The following CYTH1 variants were observed in gnomAD, a reference collection of about 807,000 sequenced individuals.
CYTH1 encodes the protein cytohesin 1.
A neutral mutation model predicts 61.8 loss-of-function variants in CYTH1; 18 were observed. The ratio of observed to expected loss-of-function variants is 0.29; its 90% CI spans 0.20 to 0.43. The LOEUF (loss-of-function observed/expected upper bound fraction) is 0.43, where lower values mean the gene tolerates loss of function less well. CYTH1 is among the 20% of genes least tolerant of loss of function. The pLI, the probability that CYTH1 is intolerant of heterozygous loss-of-function variation, is 1.00. For missense variants in CYTH1, 336 were observed against 510.5 expected, an observed-to-expected ratio of 0.66 and a Z score of 3.29; for synonymous variants, 174 against 184.3, an observed-to-expected ratio of 0.94 and a Z score of 0.45.
intron 11 of CYTH1, among the ~76,000 whole-genome samples, chr17:78,681,477 C>T (rs987751707): frequency 1.3e-5 from 2 of 152,128 alleles, no homozygotes; most frequent in Admixed American, 6.5e-5. Flanking sequence ...TGACCATTAA[C>T]CACTCACTGC....
At chr17:78,714,669 C>T (rs776574069) in intron 1 of CYTH1, among the ~76,000 whole-genome samples, 1 of 152,140 alleles carries the variant, frequency 6.6e-6, no homozygotes, top group Non-Finnish European at 1.5e-5. Context: ...CTACCCCAAG[C>T]AGGCTCTGGC....
intron 1 of CYTH1, among the ~76,000 whole-genome samples, chr17:78,756,670 A>G (rs1450539048): frequency 1.3e-5 from 2 of 152,220 alleles, no homozygotes; most frequent in Non-Finnish European, 2.9e-5. Flanking sequence ...GAGTGGACTC[A>G]TCTTCAAAAG....
At chr17:78,711,007 A>C (rs2093123342) in intron 1 of CYTH1, among the ~76,000 whole-genome samples, 1 of 152,128 alleles carries the variant, frequency 6.6e-6, no homozygotes, top group Admixed American at 6.5e-5. Flanking sequence ...TCATGCCTGT[A>C]ATCCCAGCAC....
intron 1 of CYTH1, among the ~76,000 whole-genome samples, chr17:78,730,532 G>C (rs1334092125): frequency 1.3e-5 from 2 of 148,864 alleles, no homozygotes; most frequent in African/African-American, 5.0e-5. Flanking sequence ...GCGAGACTCC[G>C]TCTCAAAAAA....
chr17:78,781,588 G>A lies in CYTH1; in HGVS notation c.22+614C>T, dbSNP rs1184423573. Among the ~76,000 whole-genome samples the A allele has an allele frequency of 1.3e-5, 2 of 152,126 alleles. 1 individual carries two copies. The highest frequency in any genetic ancestry group is 4.8e-5 in the African/African-American group (2 of 41,436). On this transcript the variant is annotated intron_variant, in intron 1 of 13. Transcript: ENST00000446868. ...GGCTACCGGGCCCAGACTCCCGCGG[G>A]CAGGGCCGTCCCGGAGCCCGCGCCT...
At position 78,680,592 on chromosome 17, in the gene CYTH1, G is replaced by A. The variant is rs1279998209; in HGVS notation, c.964-248C>T. ...CCCACTTGCAATGTACGTAAAATGC[G>A]GAGAGAACTGCAGGTGACTCACGAC... On this transcript the variant is annotated intron_variant, in intron 12 of 13. Coordinates refer to ENST00000446868, the MANE Select transcript of CYTH1 (RefSeq NM_004762.6). Among the ~76,000 whole-genome samples the A allele has an allele frequency of 2.0e-5, 3 of 152,156 alleles. No homozygotes were observed. In the East Asian group the frequency reaches 5.8e-4, roughly 29 times the overall value.
intron 1 of CYTH1, among the ~76,000 whole-genome samples, chr17:78,760,450 T>C: frequency 3.6e-5 from 2 of 55,792 alleles, no homozygotes; most frequent in African/African-American, 7.5e-5. Context: ...TATGTATATA[T>C]ATATACATAC....
chr17:78,738,708 C>T (rs984339315), intron 1 of CYTH1, among the ~76,000 whole-genome samples: 5 of 152,004 alleles, frequency 3.3e-5, no homozygotes, highest in Non-Finnish European at 5.9e-5. Flanking sequence ...GTCAAAATCA[C>T]AGTTGTAAGT....
At chr17:78,703,664 T>C (rs572099191) in intron 3 of CYTH1, among the ~76,000 whole-genome samples, 23 of 152,314 alleles carry the variant, frequency 1.5e-4, no homozygotes, top group African/African-American at 5.3e-4. Context: ...TCTGGACATA[T>C]CATACAAACA....
chr17:78,772,311 T>C (rs1411613112), intron 1 of CYTH1, among the ~76,000 whole-genome samples: 3 of 152,308 alleles, frequency 2.0e-5, no homozygotes, highest in Admixed American at 6.5e-5. Context: ...ATCCCTTTCA[T>C]CTCTCCTGTT....
chr17:78,747,802 C>T (rs1327779382), intron 1 of CYTH1, among the ~76,000 whole-genome samples: 3 of 152,200 alleles, frequency 2.0e-5, no homozygotes, highest in Non-Finnish European at 4.4e-5. Flanking sequence ...GAGCTGATGG[C>T]ATCTGGTTGT....
In CYTH1 at chr17:78,737,709, T is replaced by C. The variant is rs547712796; in HGVS notation, c.23-27977A>G. The stretch of plus-strand genomic sequence containing the variant: ...CCAAAGATTCTTGCCTGCACAGTCC[T>C]ATCATGTTCATGACACATATTCATT... On this transcript the variant is annotated intron_variant, in intron 1 of 13. Coordinates refer to ENST00000446868, the MANE Select transcript of CYTH1 (RefSeq NM_004762.6). 1.1e-4 allele frequency among the ~76,000 whole-genome samples: 17 copies of C among 152,246 alleles called. No individual in the cohort carries two copies. The South Asian group carries it at 3.3e-3, about 30-fold the overall frequency.
intron 1 of CYTH1, among the ~76,000 whole-genome samples, chr17:78,742,288 C>T (rs975281085): frequency 2.0e-5 from 3 of 152,226 alleles, no homozygotes. Context: ...CCCTGCTGGG[C>T]CAGTGGCTCA....
chr17:78,699,756 C>A (rs1460149408), intron 7 of CYTH1, among the ~76,000 whole-genome samples: 1 of 152,130 alleles, frequency 6.6e-6, no homozygotes, highest in Non-Finnish European at 1.5e-5. Flanking sequence ...TCTCCTATGT[C>A]AATAAAAATT....
At chr17:78,714,767 C>A (rs184796912) in intron 1 of CYTH1, among the ~76,000 whole-genome samples, 37 of 152,198 alleles carry the variant, frequency 2.4e-4, no homozygotes, top group Non-Finnish European at 2.9e-5. Context: ...TTCACTCTTA[C>A]ACTTACAGAG....
intron 1 of CYTH1, among the ~76,000 whole-genome samples, chr17:78,729,227 C>G (rs117422386): frequency 6.6e-6 from 1 of 152,064 alleles, no homozygotes; most frequent in South Asian, 2.1e-4. Flanking sequence ...CCCACCTCAG[C>G]CTCCAGAATA....
intron 1 of CYTH1, among the ~76,000 whole-genome samples, chr17:78,741,846 G>C (rs551528171): frequency 5.3e-5 from 8 of 152,300 alleles, no homozygotes; most frequent in Non-Finnish European, 1.2e-4. Flanking sequence ...AGCCGGACAG[G>C]AAGTAGAGCT....
In CYTH1 at chr17:78,782,098, T is replaced by C. The variant is rs1487007761; in HGVS notation, c.22+104A>G. 32 of 994,568 alleles carry C rather than the reference T, an allele frequency of 3.2e-5. No individual in the cohort carries two copies. In the South Asian group the frequency reaches 7.8e-4, roughly 24 times the overall value. 61.6% of individuals were successfully genotyped at this position (994,568 alleles called of 1,614,324 possible). A position where few individuals can be genotyped will look rare whatever the true frequency, so the allele number is the denominator to read the frequency against. ...CCCCGGGCTCCGCGTCCCGCACCAG[T>C]GTCCCCGGGAAACGCCAGCCGCCGC... On this transcript the variant is annotated intron_variant, in intron 1 of 13. Coordinates refer to ENST00000446868, the MANE Select transcript of CYTH1 (RefSeq NM_004762.6).
At chr17:78,746,557 T>C (rs1186628886) in intron 1 of CYTH1, among the ~76,000 whole-genome samples, 1 of 152,206 alleles carries the variant, frequency 6.6e-6, no homozygotes, top group Non-Finnish European at 1.5e-5. Flanking sequence ...TGAGATTCTC[T>C]TACTTTCCAT....
Sources: allele counts gnomAD v4.1 joint callset (sites outside exome capture counted in the v4.1 genomes callset), GRCh38; gene constraint gnomAD v4.1.1; transcripts MANE v1.5; gene names NCBI Gene and HGNC (gene_info 2026-07-23, HGNC 2026-07-21).